The following RASL12 variants were observed in gnomAD, a reference collection of about 807,000 sequenced individuals.
RASL12 encodes the protein ras-like protein family member 12.
Under a neutral mutation model 22.9 loss-of-function variants are expected in RASL12, and 16 were observed. That is an observed-to-expected ratio of 0.70 (90% CI 0.47 to 1.06). The LOEUF (loss-of-function observed/expected upper bound fraction) is 1.06, where lower values mean the gene tolerates loss of function less well. Ranked by LOEUF, RASL12 falls within the 50% of genes least tolerant of loss-of-function variation. The probability of loss-of-function intolerance (pLI) is 0.00; values close to 1 mark genes in which losing one functional copy is unlikely to be tolerated. For synonymous variants in RASL12, 159 were observed against 152.2 expected (o/e 1.04, Z -0.33); for missense variants, 306 against 353.1 (o/e 0.87, Z 1.07).
chr15:65,050,836 C>CTTTTTTTTTTTTTTTTTTTCTTTTT (rs57404080), downstream of RASL12, among the ~76,000 whole-genome samples: 2 of 95,648 alleles, frequency 2.1e-5, no homozygotes, highest in Non-Finnish European at 3.7e-5. Context: ...TCTTCTTCTT[C>CTTTTTTTTTTTTTTTTTTTCTTTTT]TTTTTTTTTT....
At chr15:65,046,169 C>T in the RASL12 span, among the ~76,000 whole-genome samples, 7 of 152,170 alleles carry the variant, frequency 4.6e-5, no homozygotes, top group Non-Finnish European at 7.3e-5. Flanking sequence ...GATGTGGTGG[C>T]GGGCACCTAT....
At chr15:65,061,873 C>A (rs1364088497) in intron 2 of RASL12, among the ~76,000 whole-genome samples, 1 of 151,500 alleles carries the variant, frequency 6.6e-6, no homozygotes, top group Non-Finnish European at 1.5e-5. Flanking sequence ...CACGGTGAAA[C>A]CCTGTCTCTA....
chr15:65,053,052 TA>T (rs776892359), downstream of RASL12: 8 of 1,613,788 alleles, frequency 5.0e-6, no homozygotes, highest in Admixed American at 1.0e-4. Flanking sequence ...CTAAACAACC[TA>T]AGAGAAACTT....
downstream of RASL12, chr15:65,051,409 G>C: frequency 9.6e-7 from 1 of 1,044,572 alleles, no homozygotes; most frequent in Non-Finnish European, 1.5e-6. Flanking sequence ...CCACGCAAAG[G>C]ACAGTTGATG....
upstream of RASL12, chr15:65,068,366 G>GGA: frequency 3.4e-6 from 3 of 871,324 alleles, no homozygotes; most frequent in Non-Finnish European, 4.1e-6. This position sits in a 1 kb window ranked among gnomAD's most constrained non-coding sequence, Gnocchi z 4.2. Flanking sequence ...GAAGCTTCCT[G>GGA]GGTTCAATTC....
chr15:65,070,861 C>G (rs1053319465), upstream of RASL12, among the ~76,000 whole-genome samples: 2 of 152,180 alleles, frequency 1.3e-5, no homozygotes, highest in African/African-American at 4.8e-5. Flanking sequence ...AAGGCAGATT[C>G]AAATTCCACT....
intron 2 of RASL12, among the ~76,000 whole-genome samples, chr15:65,062,205 G>A (rs533301359): frequency 6.6e-6 from 1 of 152,298 alleles, no homozygotes; most frequent in East Asian, 1.9e-4. Flanking sequence ...TATTCTCCTG[G>A]AGACGCCTGC....
At chr15:65,045,963 C>T in the RASL12 span, among the ~76,000 whole-genome samples, 3 of 152,046 alleles carry the variant, frequency 2.0e-5, no homozygotes, top group Non-Finnish European at 2.9e-5. Flanking sequence ...GTCAGGAGTT[C>T]GAGACCACCC....
At position 65,054,029 on chromosome 15, in the gene RASL12, A is replaced by AT. The variant is rs2086694136; in HGVS notation, c.*869_*870insA. ...ACGGGTATACTGTGTTTCTACCTGC[A>AT]GGGGGGCAGGCCCTGTAGCCCCTGG... On this transcript the variant is annotated 3_prime_UTR_variant, in exon 5 of 5. Transcript: ENST00000220062. 1.0e-6 allele frequency: 1 copy of AT among 985,738 alleles called. No homozygotes were observed. The highest frequency in any genetic ancestry group is 4.7e-5 in the South Asian group (1 of 21,296). 61.1% of individuals were successfully genotyped at this position (985,738 alleles called of 1,614,324 possible). A position where few individuals can be genotyped will look rare whatever the true frequency, so the allele number is the denominator to read the frequency against.
rs1401745592 is a variant in RASL12 at position 65,066,015 on chromosome 15, AAAGAAAAGAG to A, written c.104-752_104-743del. Reference sequence around the variant, plus strand: ...GCTACTGCTTGTTTGGAAAGAAAGAAAAGAAAAGAGAAGAGAAGAGAAGAGTAGAGAAGAG... The same window carrying A: ...GCTACTGCTTGTTTGGAAAGAAAGAAAAGAGAAGAGAAGAGTAGAGAAGAG... On this transcript the variant is annotated intron_variant, in intron 1 of 4. Coordinates refer to ENST00000220062, the MANE Select transcript of RASL12 (RefSeq NM_016563.4). 2.5e-4 allele frequency among the ~76,000 whole-genome samples: 16 copies of A among 63,124 alleles called. No individual in the cohort carries two copies. In the South Asian group the frequency reaches 3.1e-3, roughly 12 times the overall value. 41.4% of individuals were successfully genotyped at this position (63,124 alleles called of 152,430 possible).
chr15:65,071,628 A>G (rs2086933013), upstream of RASL12, among the ~76,000 whole-genome samples: 1 of 152,118 alleles, frequency 6.6e-6, no homozygotes, highest in Non-Finnish European at 1.5e-5. Context: ...CTGGACTTGG[A>G]AAAAATCAAG....
Position 65,067,740 on chromosome 15 carries a change from G to T in RASL12, c.96C>A (p.Gly32=). The change falls in exon 1 of 5, where the codon GGC becomes GGA. Residue 32 remains glycine, a synonymous_variant. Transcript: ENST00000220062. ...NLAILGRRGA[G]KSALTVKFLT... is the part of the protein sequence containing the mutation. Reference sequence around the variant, plus strand: ...CTCCCCGGCGCCACTCACCAGACTTGCCAGCCCCGCGGCGCCCCAGGATGG... The same window carrying T: ...CTCCCCGGCGCCACTCACCAGACTTTCCAGCCCCGCGGCGCCCCAGGATGG... The T allele has an allele frequency of 6.4e-7, 1 of 1,564,512 alleles. No homozygotes were observed.
chr15:65,062,479 T>C (rs555822814), intron 2 of RASL12, among the ~76,000 whole-genome samples: 3 of 152,352 alleles, frequency 2.0e-5, no homozygotes, highest in East Asian at 3.9e-4. Context: ...CCTTTGTGCC[T>C]GAGGGTCTCC....
At chr15:65,076,027 T>C (rs1260780301) in intron 1 of RASL12, among the ~76,000 whole-genome samples, 1 of 152,174 alleles carries the variant, frequency 6.6e-6, no homozygotes, top group African/African-American at 2.4e-5. Flanking sequence ...ACTAATCTGA[T>C]GGGGACGTGG....
At position 65,054,473 on chromosome 15, in the gene RASL12, C is replaced by T. The variant is rs1324282532; in HGVS notation, c.*426G>A. Reference sequence around the variant, plus strand: ...CCCGTCCACCAGGTGGCACAAGGACCCCAGGCTGTCATTCCGCAGGCTGTT... The same window carrying T: ...CCCGTCCACCAGGTGGCACAAGGACTCCAGGCTGTCATTCCGCAGGCTGTT... On this transcript the variant is annotated 3_prime_UTR_variant, in exon 5 of 5. Transcript: ENST00000220062. 1.2e-5 allele frequency: 12 copies of T among 996,824 alleles called. No homozygotes were observed. Among genetic ancestry groups the T allele is most frequent in the Non-Finnish European group, 1.3e-5 (11 of 837,438 alleles). 61.7% of individuals were successfully genotyped at this position (996,824 alleles called of 1,614,324 possible).
upstream of RASL12, among the ~76,000 whole-genome samples, chr15:65,069,781 G>A (rs1050358689): frequency 2.0e-5 from 3 of 152,216 alleles, no homozygotes; most frequent in South Asian, 4.1e-4. Flanking sequence ...GAGAAGAGAC[G>A]CCTTCATGAC....
At chr15:65,049,816 C>G, downstream of RASL12, 5 of 464,214 alleles carry the variant, frequency 1.1e-5, no homozygotes, top group Non-Finnish European at 1.5e-5. Context: ...TAACTTTGGG[C>G]CAGAGGAGAT....
intron 4 of RASL12, among the ~76,000 whole-genome samples, chr15:65,058,145 T>C (rs2086756133): frequency 6.6e-6 from 1 of 152,166 alleles, no homozygotes; most frequent in Non-Finnish European, 1.5e-5. Context: ...GGCAGGAACC[T>C]GTAATCCCAG....
chr15:65,059,538 C>A, intron 2 of RASL12, 120 bp from the exon 3 acceptor site: 1 of 750,770 alleles, frequency 1.3e-6, no homozygotes, highest in Non-Finnish European at 2.3e-6. Flanking sequence ...GGGGCTGGGA[C>A]CACTGGAAAG....
Sources: gnomAD v4.1 joint callset for allele counts (sites outside exome capture counted in the v4.1 genomes callset) on GRCh38, gnomAD v4.1.1 for gene constraint, Gnocchi (gnomAD v3.1) non-coding constraint, MANE v1.5 for transcripts, NCBI Gene and HGNC (gene_info 2026-07-23, HGNC 2026-07-21) for gene names.